The following CPSF6 variants were observed in gnomAD, a reference collection of about 807,000 sequenced individuals.
CPSF6 encodes the protein cleavage and polyadenylation specific factor 6, also known as cleavage and polyadenylation specificity factor subunit 6.
A neutral mutation model predicts 56.7 loss-of-function variants in CPSF6; 10 were observed. The ratio of observed to expected loss-of-function variants is 0.18; its 90% CI spans 0.11 to 0.30. The LOEUF is 0.30. CPSF6 is among the 10% of genes least tolerant of loss of function. CPSF6 has a pLI of 1.00. For missense variants in CPSF6, 419 were observed against 722.9 expected (o/e 0.58, Z 4.82); for synonymous variants, 248 against 244.8 (o/e 1.01, Z -0.12).
intron 1 of CPSF6, among the ~76,000 whole-genome samples, chr12:69,249,062 CA>C (rs1266630533): frequency 6.7e-6 from 1 of 150,294 alleles, no homozygotes; most frequent in Non-Finnish European, 1.5e-5. Flanking sequence ...CTGGCTAACC[CA>C]TCCTGCCTAA....
chr12:69,239,788 A>G, intron 1 of CPSF6, 82 bp downstream of exon 1: 1 of 1,369,742 alleles, frequency 7.3e-7, no homozygotes, highest in Non-Finnish European at 9.6e-7. Flanking sequence ...TGCGGCCGCG[A>G]GCCGAAGCGA....
In CPSF6 at chr12:69,270,768, G is replaced by A. The variant is rs1319688217; in HGVS notation, c.*1260G>A. On this transcript the variant is annotated 3_prime_UTR_variant, in exon 10 of 10. Transcript: ENST00000435070. ...GGCCCACTTTAAAAGCACCTGACTA[G>A]CATGTGTTCTTGATTGCAAAATTGG... The A allele has an allele frequency of 1.3e-5, 2 of 151,716 alleles. No individual in the cohort carries two copies. Among genetic ancestry groups the A allele is most frequent in the African/African-American group, 4.8e-5 (2 of 41,418 alleles). 9.4% of individuals were successfully genotyped at this position (151,716 alleles called of 1,614,324 possible).
At chr12:69,241,313 G>C (rs937539511) in intron 1 of CPSF6, among the ~76,000 whole-genome samples, 2 of 152,136 alleles carry the variant, frequency 1.3e-5, no homozygotes, top group Non-Finnish European at 2.9e-5. Context: ...CATTCCTCGA[G>C]TGCAACACAG....
chr12:69,251,195 A>G lies in CPSF6; in HGVS notation c.127A>G (p.Asn43Asp). The G allele has an allele frequency of 6.2e-7, 1 of 1,613,140 alleles. No individual in the cohort carries two copies. Among genetic ancestry groups the G allele is most frequent in the Non-Finnish European group, 8.5e-7 (1 of 1,179,700 alleles). ...YDDVISPSAN[N>D]GDAPEDRDYM... ...CGATGTCATATCTCCATCTGCAAATAATGGAGATGCCCCAGAAGACCGAGA... is the reference window on the plus strand; with the variant it reads ...CGATGTCATATCTCCATCTGCAAATGATGGAGATGCCCCAGAAGACCGAGA... The change falls in exon 2 of 10, where the codon AAT becomes GAT. Residue 43 changes from asparagine to aspartate, a missense_variant. Transcript: ENST00000435070.
rs1015491550 is a variant in CPSF6 at position 69,249,642 on chromosome 12, T to C, written c.61-1487T>C. ...TCACACCAATACAAGTACTTAGTTG[T>C]GGAAAGGGAGAGTAGAAGATAAAAA... On this transcript the variant is annotated intron_variant, in intron 1 of 9. Transcript: ENST00000435070. Among the ~76,000 whole-genome samples, 5 of 152,206 alleles carry C rather than the reference T, an allele frequency of 3.3e-5. No individual in the cohort carries two copies. In the South Asian group the frequency reaches 1.0e-3, roughly 31 times the overall value.
intron 9 of CPSF6, among the ~76,000 whole-genome samples, chr12:69,263,974 C>G (rs1390947736): frequency 6.6e-6 from 1 of 151,838 alleles, no homozygotes; most frequent in East Asian, 1.9e-4. Flanking sequence ...GCAAAAAAAC[C>G]TTTTACTTTT....
chr12:69,250,756 C>G (rs1466727384), intron 1 of CPSF6, among the ~76,000 whole-genome samples: 1 of 152,024 alleles, frequency 6.6e-6, no homozygotes, highest in Non-Finnish European at 1.5e-5. Context: ...AAGCGATTCT[C>G]CTGCCTCAGC....
At chr12:69,242,403 A>G (rs935780140) in intron 1 of CPSF6, among the ~76,000 whole-genome samples, 1 of 152,172 alleles carries the variant, frequency 6.6e-6, no homozygotes, top group Non-Finnish European at 1.5e-5. Flanking sequence ...AGTGATTTGC[A>G]TCTATTGAAG....
At chr12:69,251,395 GTAAT>G (rs1477373529) in intron 2 of CPSF6, 57 bp downstream of exon 2, 8 of 1,114,218 alleles carry the variant, frequency 7.2e-6, no homozygotes, top group Non-Finnish European at 9.0e-6. Flanking sequence ...AACTGCTCTA[GTAAT>G]TAATGTTTTT....
chr12:69,273,308 G>C lies in CPSF6; in HGVS notation c.*3800G>C. On this transcript the variant is annotated 3_prime_UTR_variant, in exon 10 of 10. Coordinates refer to ENST00000435070, the MANE Select transcript of CPSF6 (RefSeq NM_007007.3). ...AGAATTTCAGGTTGTGGCATTCACT[G>C]AGTATGCAGCTACTATGGTTTTTGT... 1 of 324,302 alleles carries C rather than the reference G, an allele frequency of 3.1e-6. No individual in the cohort carries two copies. Among genetic ancestry groups the C allele is most frequent in the African/African-American group, 2.2e-5 (1 of 46,200 alleles). 20.1% of individuals were successfully genotyped at this position (324,302 alleles called of 1,614,324 possible). A position where few individuals can be genotyped will look rare whatever the true frequency, so the allele number is the denominator to read the frequency against.
chr12:69,247,585 G>T (rs563776866), intron 1 of CPSF6, among the ~76,000 whole-genome samples: 1 of 152,122 alleles, frequency 6.6e-6, no homozygotes, highest in Admixed American at 6.6e-5. Context: ...AAATGATACC[G>T]TGAAATATTT....
At chr12:69,247,998 A>G (rs954103639) in intron 1 of CPSF6, among the ~76,000 whole-genome samples, 6 of 152,240 alleles carry the variant, frequency 3.9e-5, no homozygotes, top group Non-Finnish European at 1.5e-5. Context: ...CATGGTCTTA[A>G]TTAGGATCGT....
chr12:69,243,830 C>T (rs1232409137), intron 1 of CPSF6, among the ~76,000 whole-genome samples: 1 of 152,164 alleles, frequency 6.6e-6, no homozygotes, highest in African/African-American at 2.4e-5. Context: ...AATACATGAG[C>T]TTACTGTAAT....
chr12:69,257,222 T>C (rs533582722), intron 4 of CPSF6, among the ~76,000 whole-genome samples: 2 of 152,236 alleles, frequency 1.3e-5, no homozygotes, highest in African/African-American at 4.8e-5. Context: ...AAAATGTTCA[T>C]TGATTTTTCT....
Position 69,260,117 on chromosome 12 carries a change from TGATC to T in CPSF6, c.1391_1394del (p.Asp464ValfsTer90). The T allele has an allele frequency of 6.2e-7, 1 of 1,613,724 alleles. No homozygotes were observed. The highest frequency in any genetic ancestry group is 8.5e-7 in the Non-Finnish European group (1 of 1,179,758). Reference sequence around the variant, plus strand: ...TTAAACAATCCAAAGTATCTGCTGATGATCGTTGCAAAGTTCTTATTAGTTCTTT... The same window carrying T: ...TTAAACAATCCAAAGTATCTGCTGATGTTGCAAAGTTCTTATTAGTTCTTT... On this transcript the variant is annotated frameshift_variant, in exon 8 of 10. Coordinates refer to ENST00000435070, the MANE Select transcript of CPSF6 (RefSeq NM_007007.3). LOFTEE classifies it high-confidence loss of function.
rs1565654595 is a variant in CPSF6, at chr12:69,273,432, G to A, written c.*3924G>A. 6.1e-6 allele frequency: 1 copy of A among 164,162 alleles called. No homozygotes were observed. Among genetic ancestry groups the A allele is most frequent in the Non-Finnish European group, 1.3e-5 (1 of 74,564 alleles). 10.2% of individuals were successfully genotyped at this position (164,162 alleles called of 1,614,324 possible). On this transcript the variant is annotated 3_prime_UTR_variant, in exon 10 of 10. Coordinates refer to ENST00000435070, the MANE Select transcript of CPSF6 (RefSeq NM_007007.3). ...TTGTAATGGAGTCTTTTAAATACTA[G>A]GTTGAATTTAATTGAAGTCACACAC...
chr12:69,269,206 C>T (rs146403857), intron 9 of CPSF6, among the ~76,000 whole-genome samples: 3 of 151,882 alleles, frequency 2.0e-5, no homozygotes, highest in African/African-American at 7.2e-5. Context: ...TAGAAAATGA[C>T]TTATGAATGT....
intron 9 of CPSF6, among the ~76,000 whole-genome samples, chr12:69,264,405 A>G (rs554468478): frequency 1.3e-5 from 2 of 152,148 alleles, no homozygotes; most frequent in African/African-American, 2.4e-5. Flanking sequence ...TAAAACTAGC[A>G]TAGTCAACCA....
rs1379182383 is a variant in CPSF6, at chr12:69,258,012, G to A, written c.694+107G>A. The A allele has an allele frequency of 6.5e-7, 1 of 1,536,326 alleles. No individual in the cohort carries two copies. The highest frequency in any genetic ancestry group is 8.8e-7 in the Non-Finnish European group (1 of 1,133,272). On this transcript the variant is annotated intron_variant, in intron 5 of 9. Coordinates refer to ENST00000435070, the MANE Select transcript of CPSF6 (RefSeq NM_007007.3). The surrounding 1 kb of genome is among the most constrained non-coding windows in gnomAD (Gnocchi z 4.2). The stretch of plus-strand genomic sequence containing the variant: ...ATTATTAATGTGACTTACTCTCCTT[G>A]TTATGCTATTTTTGGAATCCAGGAA...
Sources: allele counts gnomAD v4.1 joint callset (sites outside exome capture counted in the v4.1 genomes callset), GRCh38; gene constraint gnomAD v4.1.1; non-coding constraint Gnocchi (gnomAD v3.1); transcripts MANE v1.5; gene names NCBI Gene and HGNC (gene_info 2026-07-23, HGNC 2026-07-21).